Variants in TAF5L observed in about 807,000 individuals in gnomAD.
TAF5L encodes TATA-box binding protein associated factor 5 like.
Under a neutral mutation model 51.3 loss-of-function variants are expected in TAF5L, and 7 were observed. The observed-to-expected ratio is 0.14, with a 90% CI of 0.08 to 0.26. The LOEUF (loss-of-function observed/expected upper bound fraction) is 0.26, where lower values mean the gene tolerates loss of function less well. Ranked by LOEUF, TAF5L falls within the 10% of genes least tolerant of loss-of-function variation. TAF5L has a pLI of 1.00. For missense variants in TAF5L, 575 were observed against 758.9 expected (o/e 0.76, Z 2.85); for synonymous variants, 291 against 308.1 (o/e 0.94, Z 0.58).
intron 4 of TAF5L, among the ~76,000 whole-genome samples, chr1:229,597,690 A>G (rs917837442): frequency 1.3e-5 from 2 of 152,218 alleles, no homozygotes; most frequent in African/African-American, 4.8e-5. Flanking sequence ...CCAAATAGAA[A>G]TGTTTAATTT....
At chr1:229,619,981 T>C (rs943852792) in intron 1 of TAF5L, among the ~76,000 whole-genome samples, 1 of 151,942 alleles carries the variant, frequency 6.6e-6, no homozygotes, top group African/African-American at 2.4e-5. Context: ...CTTCTCCCGG[T>C]TTTCTTAGCC....
intron 3 of TAF5L, chr1:229,606,288 C>T (rs1177202981): frequency 2.4e-6 from 2 of 832,148 alleles, no homozygotes; most frequent in Non-Finnish European, 2.9e-6. Context: ...ATCTAACATA[C>T]TCTGTATTTT....
chr1:229,613,168 C>CCA (rs1664848453), intron 2 of TAF5L, among the ~76,000 whole-genome samples: 3 of 135,904 alleles, frequency 2.2e-5, no homozygotes, highest in Non-Finnish European at 4.8e-5. Context: ...GAATAACAAG[C>CCA]AAAAAAAAAA....
In TAF5L at chr1:229,594,503, T is replaced by C. The variant is rs773179344; in HGVS notation, c.1564A>G (p.Ser522Gly). 11 of 1,614,026 alleles carry C rather than the reference T, an allele frequency of 6.8e-6. No individual in the cohort carries two copies. Among genetic ancestry groups the C allele is most frequent in the Non-Finnish European group, 9.3e-6 (11 of 1,179,988 alleles). The change falls in exon 5 of 5, where the codon AGC (serine) becomes GGC (glycine). Residue 522 changes from serine (S) to glycine (G), a missense_variant. This residue lies in a region of TAF5L where 91 missense variants were observed against 96.9 expected (regional missense o/e 0.94). Coordinates refer to ENST00000258281, the Ensembl canonical transcript of TAF5L. This position sits in a 1 kb window ranked among gnomAD's most constrained non-coding sequence, Gnocchi z 7.9. ...ATGGAGGCAGAGGCAATCAAGCCGC[T>C]GTCTGGACTGAAGGTGAGGCTGGTG...
chr1:229,595,169 C>T (rs1664074214), intron 4 of TAF5L, 75 bp from the exon 5 acceptor site: 3 of 1,460,472 alleles, frequency 2.1e-6, no homozygotes, highest in Non-Finnish European at 1.8e-6. Flanking sequence ...GAAAACAAGT[C>T]CAGGAGAAAA....
At position 229,594,187 on chromosome 1, in the gene TAF5L, A is replaced by G; in HGVS notation, c.*110T>C. 8.0e-7 allele frequency: 1 copy of G among 1,249,642 alleles called. No individual in the cohort carries two copies. Among genetic ancestry groups the G allele is most frequent in the South Asian group, 1.5e-5 (1 of 65,132 alleles). The allele number at this position is 1,249,642 out of a possible 1,614,324, so 77.4% of individuals were successfully genotyped here. A position where few individuals can be genotyped will look rare whatever the true frequency, so the allele number is the denominator to read the frequency against. On this transcript the variant is annotated 3_prime_UTR_variant, in exon 5 of 5. Transcript: ENST00000258281. This position sits in a 1 kb window ranked among gnomAD's most constrained non-coding sequence, Gnocchi z 7.9. ...TGCCCGGAATGAGGGCCCAGGAGAG[A>G]GGGGAGGAGGGGGCTCTTTCACAGT...
chr1:229,602,946 A>G lies in TAF5L; in HGVS notation c.248-27T>C. The G allele has an allele frequency of 6.5e-7, 1 of 1,550,112 alleles. No individual in the cohort carries two copies. Among genetic ancestry groups the G allele is most frequent in the Non-Finnish European group, 8.6e-7 (1 of 1,158,562 alleles). On this transcript the variant is annotated intron_variant, in intron 3 of 4. Transcript: ENST00000258281. This position sits in a 1 kb window ranked among gnomAD's most constrained non-coding sequence, Gnocchi z 4.6. Reference sequence around the variant, plus strand: ...TATAATGAAAGAAAAAGAAGGCTTTATAATCAGCATAATCTTACAGAATAA... The same window carrying G: ...TATAATGAAAGAAAAAGAAGGCTTTGTAATCAGCATAATCTTACAGAATAA...
Position 229,612,404 on chromosome 1 carries a change from A to AT in TAF5L, c.142+1936dup, listed in dbSNP as rs150737883. Among the ~76,000 whole-genome samples the AT allele has an allele frequency of 3.3e-3, 505 of 152,190 alleles. 7 individuals carry two copies. The highest frequency in any genetic ancestry group is 0.012 in the African/African-American group (493 of 41,560). On this transcript the variant is annotated intron_variant, in intron 2 of 4. Coordinates refer to ENST00000258281, the Ensembl canonical transcript of TAF5L. ...GGTTCCAAAGGATGCAGGGCAGCAG[A>AT]TTTTTTAAATGGCTAGGATGGCATG...
At chr1:229,608,341 T>C (rs563830754) in intron 3 of TAF5L, among the ~76,000 whole-genome samples, 40 of 152,288 alleles carry the variant, frequency 2.6e-4, no homozygotes, top group African/African-American at 8.9e-4. Context: ...GTCTGTTTAA[T>C]AGTTACAAAA....
rs755387463 is a variant in TAF5L, at chr1:229,594,595, C to T, written c.1472G>A (p.Arg491Gln). The stretch of plus-strand genomic sequence containing the variant: ...AGAGGCCAAGTCCCACAGCTTCAAC[C>T]GCTGGTCCTCGCCAGCAGACGCCAA... Residue 491 changes from arginine (R) to glutamine (Q), a missense_variant, in exon 5 of 5, where the codon CGG becomes CAG. Physicochemically the swap from Arg to Gln is conservative, Grantham distance 43. Around this residue, in one of 3 missense-constraint regions of TAF5L, gnomAD observed 104 missense variants for 218.3 expected, o/e 0.48. Transcript: ENST00000258281. The surrounding 1 kb of genome is among the most constrained non-coding windows in gnomAD (Gnocchi z 7.9). 1.8e-5 allele frequency: 29 copies of T among 1,614,076 alleles called. No individual in the cohort carries two copies. Among genetic ancestry groups the T allele is most frequent in the Non-Finnish European group, 2.0e-5 (24 of 1,180,040 alleles).
rs1382881129 is a variant in TAF5L at position 229,625,975 on chromosome 1, A to G, written c.-94T>C. The G allele has an allele frequency of 2.9e-5, 4 of 136,662 alleles. No individual in the cohort carries two copies. Among genetic ancestry groups the G allele is most frequent in the Non-Finnish European group, 4.8e-5 (3 of 62,858 alleles). The allele number at this position is 136,662 out of a possible 1,614,324, so 8.5% of individuals were successfully genotyped here. A position where few individuals can be genotyped will look rare whatever the true frequency, so the allele number is the denominator to read the frequency against. ...TCCGTCGTCTCTGCCGCAGGGTCTC[A>G]CTCCGACGGCCGGCTCAGCTGGGCC... On this transcript the variant is annotated 5_prime_UTR_variant, in exon 1 of 5. Transcript: ENST00000258281. The surrounding 1 kb of genome is among the most constrained non-coding windows in gnomAD (Gnocchi z 4.0).
intron 4 of TAF5L, among the ~76,000 whole-genome samples, chr1:229,595,327 G>C (rs1473746154): frequency 6.6e-6 from 1 of 152,194 alleles, no homozygotes; most frequent in Non-Finnish European, 1.5e-5. Context: ...AATTCACCTT[G>C]CAGCTCAGAC....
At chr1:229,601,640 AC>A in intron 4 of TAF5L, 1 of 986,286 alleles carries the variant, frequency 1.0e-6, no homozygotes, top group Non-Finnish European at 1.2e-6. Flanking sequence ...GTCTGGGAAC[AC>A]CCCGGGGTAC....
chr1:229,600,600 C>A, intron 4 of TAF5L: 1 of 985,468 alleles, frequency 1.0e-6, no homozygotes, highest in Non-Finnish European at 1.2e-6. Flanking sequence ...GCCATAATTG[C>A]TCATATAAGA....
In TAF5L at chr1:229,594,439, T is replaced by A; in HGVS notation, c.1628A>T (p.Tyr543Phe). ...GGAGCCGTCGGCAGGTGCACTGCAG[T>A]AAGTGTTCCTGATGTCCCAGACGCG... Residue 543 changes from tyrosine to phenylalanine, a missense_variant, in exon 5 of 5, where the codon TAC (tyrosine) becomes TTC (phenylalanine). Physicochemically the swap from Tyr to Phe is conservative, Grantham distance 22. Transcript: ENST00000258281. This position sits in a 1 kb window ranked among gnomAD's most constrained non-coding sequence, Gnocchi z 7.9. 1 of 1,614,032 alleles carries A rather than the reference T, an allele frequency of 6.2e-7. No homozygotes were observed. Among genetic ancestry groups the A allele is most frequent in the Middle Eastern group, 1.7e-4 (1 of 6,056 alleles).
chr1:229,600,430 C>G, intron 4 of TAF5L: 1 of 985,352 alleles, frequency 1.0e-6, no homozygotes, highest in African/African-American at 1.7e-5. Flanking sequence ...CCAATGACGT[C>G]TTTTGCTTTC....
chr1:229,602,143 T>C lies in TAF5L; in HGVS notation c.972+52A>G, dbSNP rs1664399081. 6.3e-6 allele frequency: 10 copies of C among 1,574,902 alleles called. No individual in the cohort carries two copies. The African/African-American group carries it at 9.5e-5, about 15-fold the overall frequency. On this transcript the variant is annotated intron_variant, in intron 4 of 4. Transcript: ENST00000258281. This position sits in a 1 kb window ranked among gnomAD's most constrained non-coding sequence, Gnocchi z 4.6. The stretch of plus-strand genomic sequence containing the variant: ...GATATGTCGTGTTTGGTAAGGACAT[T>C]CTAAGGAAATTAGGAAGGCGGGTGC...
At chr1:229,612,303 G>A (rs956057325) in intron 2 of TAF5L, among the ~76,000 whole-genome samples, 8 of 152,144 alleles carry the variant, frequency 5.3e-5, no homozygotes, top group African/African-American at 1.2e-4. Context: ...CAACTTAGAC[G>A]AGCAAAGTTC....
At chr1:229,620,981 TG>T (rs1665181863) in intron 1 of TAF5L, among the ~76,000 whole-genome samples, 7 of 151,880 alleles carry the variant, frequency 4.6e-5, no homozygotes, top group Non-Finnish European at 1.0e-4. Context: ...TGTGTGTGTG[TG>T]TCTCAAAGTG....
Sources: gnomAD v4.1 joint callset for allele counts (sites outside exome capture counted in the v4.1 genomes callset) on GRCh38, gnomAD v4.1.1 for gene constraint, gnomAD v4.1.1 regional missense constraint, Gnocchi (gnomAD v3.1) non-coding constraint, MANE v1.5 for transcripts, NCBI Gene and HGNC (gene_info 2026-07-23, HGNC 2026-07-21) for gene names.